KIAA0825: variants seen among roughly 807,000 people sequenced by gnomAD.
KIAA0825 encodes KIAA0825.
KIAA0825 carries 119 observed loss-of-function variants against 147.6 expected under a neutral mutation model. The observed-to-expected ratio is 0.81, with a 90% CI of 0.69 to 0.94. The LOEUF is 0.94. KIAA0825 is among the 40% of genes least tolerant of loss of function. The pLI, the probability that KIAA0825 is intolerant of heterozygous loss-of-function variation, is 0.00. For synonymous variants in KIAA0825, 470 were observed against 518.1 expected, an observed-to-expected ratio of 0.91 and a Z score of 1.26; for missense variants, 1,381 against 1,472.7, an observed-to-expected ratio of 0.94 and a Z score of 1.02.
intron 20 of KIAA0825, among the ~76,000 whole-genome samples, chr5:94,166,513 T>G (rs975028425): frequency 6.9e-6 from 1 of 145,852 alleles, no homozygotes; most frequent in Non-Finnish European, 1.5e-5. Context: ...TGTTTTTTTT[T>G]TTTTTTTTTT....
At chr5:94,594,977 C>A (rs897838179) in intron 1 of KIAA0825, among the ~76,000 whole-genome samples, 1 of 152,086 alleles carries the variant, frequency 6.6e-6, no homozygotes, top group African/African-American at 2.4e-5. Flanking sequence ...CAGCCTTGGG[C>A]AGCTCCACTT....
chr5:94,415,037 AGAG>A (rs2150699687), intron 15 of KIAA0825: 1 of 152,260 alleles, frequency 6.6e-6, no homozygotes, highest in African/African-American at 2.4e-5. Flanking sequence ...GCCTTAGGAG[AGAG>A]GAGATCTGGT....
intron 20 of KIAA0825, among the ~76,000 whole-genome samples, chr5:94,358,371 A>G (rs1671054159): frequency 6.6e-6 from 1 of 152,252 alleles, no homozygotes; most frequent in Non-Finnish European, 1.5e-5. Flanking sequence ...AAAACAGTCT[A>G]GTATAGGGCA....
intron 20 of KIAA0825, among the ~76,000 whole-genome samples, chr5:94,178,382 T>G (rs1769303117): frequency 6.6e-6 from 1 of 152,010 alleles, no homozygotes; most frequent in Admixed American, 6.6e-5. Flanking sequence ...CCCTTGATTT[T>G]AATGAGAGTT....
chr5:94,596,458 T>C (rs1785335650), intron 1 of KIAA0825, among the ~76,000 whole-genome samples: 1 of 152,220 alleles, frequency 6.6e-6, no homozygotes, highest in Non-Finnish European at 1.5e-5. Context: ...TTTTATAGTG[T>C]AACATGATGT....
intron 2 of KIAA0825, among the ~76,000 whole-genome samples, chr5:94,545,338 G>T (rs1328272009): frequency 6.6e-6 from 1 of 152,128 alleles, no homozygotes; most frequent in Non-Finnish European, 1.5e-5. Flanking sequence ...TAGAACCAGT[G>T]GATTAAGGCA....
Position 94,593,045 on chromosome 5 carries a change from G to A in KIAA0825, c.-152-10462C>T. ...CTATTAAAAAATGTTGAGTATGTCA[G>A]AGACCATTCTCAATTTCTTACTCTT... On this transcript the variant is annotated intron_variant, in intron 1 of 20. Transcript: ENST00000682413. 4.4e-6 allele frequency: 3 copies of A among 684,220 alleles called. No individual in the cohort carries two copies. The South Asian group carries it at 4.4e-5, about 10-fold the overall frequency. The allele number at this position is 684,220 out of a possible 1,614,324, so 42.4% of individuals were successfully genotyped here. A position where few individuals can be genotyped will look rare whatever the true frequency, so the allele number is the denominator to read the frequency against.
intron 15 of KIAA0825, chr5:94,415,647 A>G (rs1445059088): frequency 1.3e-5 from 2 of 152,194 alleles, no homozygotes; most frequent in Non-Finnish European, 2.9e-5. Flanking sequence ...AGTTTCACCC[A>G]TTTGAAGTTC....
intron 14 of KIAA0825, among the ~76,000 whole-genome samples, chr5:94,429,042 G>C (rs1470576934): frequency 2.0e-5 from 3 of 152,052 alleles, no homozygotes; most frequent in Non-Finnish European, 2.9e-5. Context: ...CAATTCCAGA[G>C]GCTCTGATTT....
chr5:94,573,137 TG>T (rs1780290587), intron 2 of KIAA0825, among the ~76,000 whole-genome samples: 1 of 150,450 alleles, frequency 6.6e-6, no homozygotes, highest in African/African-American at 2.4e-5. Context: ...TTGGGGGGGT[TG>T]TTCCAGGTTA....
chr5:94,306,650 A>G (rs551492862), intron 20 of KIAA0825, among the ~76,000 whole-genome samples: 2 of 151,952 alleles, frequency 1.3e-5, no homozygotes, highest in South Asian at 4.2e-4. Context: ...TCACCCCAAT[A>G]ATATTTAAGG....
rs1583989176 is a variant in KIAA0825 at position 94,267,023 on chromosome 5, G to A, written c.3711-112899C>T. Among the ~76,000 whole-genome samples, 3 of 152,218 alleles carry A rather than the reference G, an allele frequency of 2.0e-5. No homozygotes were observed. The East Asian group carries it at 5.8e-4, about 29-fold the overall frequency. ...AAGCAATATAAAGGAAGCAAGGAAG[G>A]TGTTGTTTATACAAGCCTAGTTAGG... On this transcript the variant is annotated intron_variant, in intron 20 of 20. Transcript: ENST00000682413.
At chr5:94,224,311 G>A (rs1378005241) in intron 20 of KIAA0825, among the ~76,000 whole-genome samples, 1 of 151,424 alleles carries the variant, frequency 6.6e-6, no homozygotes, top group Non-Finnish European at 1.5e-5. Flanking sequence ...AGCCAGGCTG[G>A]TCTCGAACTC....
intron 2 of KIAA0825, among the ~76,000 whole-genome samples, chr5:94,537,957 C>T (rs189046304): frequency 1.2e-4 from 18 of 152,290 alleles, no homozygotes; most frequent in Admixed American, 2.6e-4. Context: ...GGATACCTAA[C>T]TAAAAACTGA....
chr5:94,338,929 ATTAATTT>A (rs1206439649), intron 20 of KIAA0825, among the ~76,000 whole-genome samples: 1 of 152,178 alleles, frequency 6.6e-6, no homozygotes, highest in Admixed American at 6.6e-5. Flanking sequence ...ATAATGGCCC[ATTAATTT>A]TTAACAGATT....
At chr5:94,499,593 G>A (rs904267688) in intron 5 of KIAA0825, among the ~76,000 whole-genome samples, 2 of 147,478 alleles carry the variant, frequency 1.4e-5, no homozygotes, top group South Asian at 2.4e-4. Context: ...TCTGGGGGGG[G>A]GGGGGGACCA....
At chr5:94,362,249 C>T (rs1745166761) in intron 20 of KIAA0825, among the ~76,000 whole-genome samples, 1 of 152,200 alleles carries the variant, frequency 6.6e-6, no homozygotes, top group African/African-American at 2.4e-5. Context: ...ATCTGTAACT[C>T]TTTCAATATT....
intron 20 of KIAA0825, among the ~76,000 whole-genome samples, chr5:94,265,929 T>C (rs1776722575): frequency 6.6e-6 from 1 of 152,212 alleles, no homozygotes; most frequent in Non-Finnish European, 1.5e-5. Flanking sequence ...TTTAATATTC[T>C]GTGTGACAAA....
Position 94,198,429 on chromosome 5 carries a change from T to A in KIAA0825, c.3711-44305A>T, listed in dbSNP as rs549414390. ...AGAGAGTTTAAATTTTTTTTTTTTTTAAATTTTTGTCTGCCTACATTGATT... is the reference window on the plus strand; with the variant it reads ...AGAGAGTTTAAATTTTTTTTTTTTTAAAATTTTTGTCTGCCTACATTGATT... On this transcript the variant is annotated intron_variant, in intron 20 of 20. Transcript: ENST00000682413. Among the ~76,000 whole-genome samples the A allele has an allele frequency of 3.0e-4, 46 of 151,476 alleles. 1 individual carries two copies. Among genetic ancestry groups the A allele is most frequent in the Non-Finnish European group, 4.3e-4 (29 of 67,954 alleles).
Sources: gnomAD v4.1 joint callset for allele counts (sites outside exome capture counted in the v4.1 genomes callset) on GRCh38, gnomAD v4.1.1 for gene constraint, MANE v1.5 for transcripts, NCBI Gene and HGNC (gene_info 2026-07-23, HGNC 2026-07-21) for gene names.